AGBL1: variants seen among roughly 807,000 people sequenced by gnomAD.
AGBL1 encodes cytosolic carboxypeptidase 4.
A neutral mutation model predicts 118.9 loss-of-function variants in AGBL1; 130 were observed. The observed-to-expected ratio is 1.09, with a 90% confidence interval of 0.95 to 1.26. The LOEUF is 1.26. Ranked by LOEUF, AGBL1 falls within the 50% of genes most tolerant of loss-of-function variation. AGBL1 has a pLI of 0.00. For missense variants in AGBL1, 1,584 were observed against 1,298.1 expected, an observed-to-expected ratio of 1.22 and a Z score of -3.38; for synonymous variants, 555 against 478.9, an observed-to-expected ratio of 1.16 and a Z score of -2.08.
intron 17 of AGBL1, among the ~76,000 whole-genome samples, chr15:86,353,626 G>A (rs1256438889): frequency 3.3e-5 from 5 of 152,134 alleles, no homozygotes; most frequent in African/African-American, 9.7e-5. Flanking sequence ...AAGAATAAGG[G>A]AAATAATGAA....
intron 21 of AGBL1, among the ~76,000 whole-genome samples, chr15:86,563,381 C>T (rs1264103805): frequency 1.3e-5 from 2 of 152,168 alleles, no homozygotes; most frequent in Non-Finnish European, 2.9e-5. Flanking sequence ...ATCTTTATTT[C>T]TGCCTTCATT....
chr15:86,430,411 C>T (rs563896743), intron 18 of AGBL1, among the ~76,000 whole-genome samples: 23 of 150,288 alleles, frequency 1.5e-4, no homozygotes, highest in South Asian at 1.1e-3. Context: ...AGTAGAATGG[C>T]GTGAACCCAG....
chr15:86,799,104 G>A (rs2078613698), intron 22 of AGBL1, among the ~76,000 whole-genome samples: 1 of 151,968 alleles, frequency 6.6e-6, no homozygotes, highest in Non-Finnish European at 1.5e-5. Context: ...TATCTAGTAA[G>A]ACAGTTCTCT....
chr15:86,798,087 G>C (rs977862911), intron 22 of AGBL1, among the ~76,000 whole-genome samples: 1 of 152,294 alleles, frequency 6.6e-6, no homozygotes, highest in Admixed American at 6.5e-5. Flanking sequence ...GAAATCCTGA[G>C]GCTGTCACTG....
intron 23 of AGBL1, among the ~76,000 whole-genome samples, chr15:86,970,584 A>G: frequency 6.6e-6 from 1 of 152,100 alleles, no homozygotes; most frequent in South Asian, 2.1e-4. Context: ...TTATTTTCAG[A>G]GTTAGTTTTC....
chr15:86,850,484 C>A (rs576756521), intron 22 of AGBL1, among the ~76,000 whole-genome samples: 44 of 152,330 alleles, frequency 2.9e-4, no homozygotes, highest in African/African-American at 8.7e-4. Context: ...ATCGTCCTCA[C>A]ACCATGGGTG....
chr15:86,633,344 T>A (rs1483897447), intron 21 of AGBL1, among the ~76,000 whole-genome samples: 1 of 152,010 alleles, frequency 6.6e-6, no homozygotes, highest in African/African-American at 2.4e-5. Context: ...GCACCATGAA[T>A]TTTTTTTATG....
At chr15:86,469,146 A>G (rs1242163070) in intron 18 of AGBL1, among the ~76,000 whole-genome samples, 2 of 152,164 alleles carry the variant, frequency 1.3e-5, no homozygotes, top group Admixed American at 1.3e-4. Flanking sequence ...ATTATTAACT[A>G]TAGGCACCTT....
chr15:86,540,922 C>T (rs769091197), intron 19 of AGBL1, among the ~76,000 whole-genome samples: 7 of 152,122 alleles, frequency 4.6e-5, no homozygotes, highest in African/African-American at 1.2e-4. Context: ...TATAATTTGT[C>T]GTTTACTTCC....
intron 18 of AGBL1, among the ~76,000 whole-genome samples, chr15:86,457,682 A>G (rs957229847): frequency 1.3e-5 from 2 of 152,204 alleles, no homozygotes; most frequent in African/African-American, 2.4e-5. Flanking sequence ...TCCAAGAGAT[A>G]TATCTTCCCA....
chr15:87,022,612 G>C (rs1444118171), intron 24 of AGBL1, among the ~76,000 whole-genome samples: 1 of 152,024 alleles, frequency 6.6e-6, no homozygotes, highest in Non-Finnish European at 1.5e-5. Context: ...GGAACACCTG[G>C]GAAATTCATC....
chr15:86,344,813 C>T (rs2080511797), intron 17 of AGBL1, among the ~76,000 whole-genome samples: 1 of 151,962 alleles, frequency 6.6e-6, no homozygotes, highest in Non-Finnish European at 1.5e-5. Flanking sequence ...TAGGCTCTTT[C>T]TGGAGCCCCA....
chr15:86,153,931 C>T (rs1490852814), intron 3 of AGBL1, among the ~76,000 whole-genome samples: 1 of 152,012 alleles, frequency 6.6e-6, no homozygotes, highest in Admixed American at 6.6e-5. Flanking sequence ...ATCACAATAC[C>T]ATTATTACAA....
At chr15:86,322,173 G>A (rs780878924) in intron 17 of AGBL1, among the ~76,000 whole-genome samples, 2 of 151,296 alleles carry the variant, frequency 1.3e-5, no homozygotes, top group Non-Finnish European at 1.5e-5. Context: ...AAACATGTTT[G>A]TCTGTGCTAT....
At position 86,945,244 on chromosome 15, in the gene AGBL1, T is replaced by TA. The variant is rs11326362; in HGVS notation, c.3222-42720dup. 3.7e-3 allele frequency among the ~76,000 whole-genome samples: 262 copies of TA among 70,736 alleles called. 1 individual carries two copies. Among genetic ancestry groups the TA allele is most frequent in the East Asian group, 0.017 (41 of 2,382 alleles). 46.4% of individuals were successfully genotyped at this position (70,736 alleles called of 152,430 possible). ...GGGCAACAGAGCAAGACCCCATCAC[T>TA]AAAAAAAAAAAAAAAAAAAAAAAGT... On this transcript the variant is annotated intron_variant, in intron 23 of 24. Transcript: ENST00000441037.
rs2142042197 is a variant in AGBL1 at position 86,267,029 on chromosome 15, C to A, written c.1791C>A (p.Phe597Leu). Residue 597 changes from phenylalanine to leucine, a missense_variant, in exon 13 of 23, where the codon TTC (phenylalanine) becomes TTA (leucine). Physicochemically the swap from Phe to Leu is conservative, Grantham distance 22 (BLOSUM62 0). Transcript: ENST00000614907. ...ATGCTTCCAATTGTTTACGGTTCTTCTCCAAATTTGAGTCAGGAAATCTTC... is the reference window on the plus strand; with the variant it reads ...ATGCTTCCAATTGTTTACGGTTCTTATCCAAATTTGAGTCAGGAAATCTTC... ...QDNASNCLRFFSKFESGNLRK... is the reference protein window; with the variant it reads ...QDNASNCLRFLSKFESGNLRK... 1.3e-6 allele frequency: 2 copies of A among 1,571,498 alleles called. No homozygotes were observed. The highest frequency in any genetic ancestry group is 1.7e-4 in the Middle Eastern group (1 of 6,006).
At chr15:86,475,646 C>T (rs982491921) in intron 18 of AGBL1, among the ~76,000 whole-genome samples, 1 of 152,188 alleles carries the variant, frequency 6.6e-6, no homozygotes, top group East Asian at 1.9e-4. Flanking sequence ...TTGGAAAACA[C>T]TCGGCAGGAT....
At chr15:87,029,231 T>C (rs1166710324), downstream of AGBL1, among the ~76,000 whole-genome samples, 1 of 151,954 alleles carries the variant, frequency 6.6e-6, no homozygotes, top group African/African-American at 2.4e-5. Context: ...GTGCCTCTTT[T>C]TTCGGTTCAA....
chr15:86,673,953 C>T (rs189436904), intron 21 of AGBL1, among the ~76,000 whole-genome samples: 26 of 152,192 alleles, frequency 1.7e-4, no homozygotes, highest in Admixed American at 5.9e-4. Context: ...CAGATAAAAG[C>T]GTTGCTGCTT....
Sources: allele counts gnomAD v4.1 joint callset (sites outside exome capture counted in the v4.1 genomes callset), GRCh38; gene constraint gnomAD v4.1.1; transcripts MANE v1.5; gene names NCBI Gene and HGNC (gene_info 2026-07-23, HGNC 2026-07-21).